The following CDC73 variants were observed in gnomAD, a reference collection of about 807,000 sequenced individuals.
The protein encoded by CDC73 is parafibromin.
CDC73 carries 21 observed loss-of-function variants against 83.7 expected under a neutral mutation model. That is an observed-to-expected ratio of 0.25 (90% CI 0.18 to 0.36). The LOEUF (loss-of-function observed/expected upper bound fraction) is 0.36. CDC73 is among the 10% of genes least tolerant of loss of function. CDC73 has a pLI of 1.00. For synonymous variants in CDC73, 224 were observed against 212.9 expected (o/e 1.05, Z -0.45); for missense variants, 342 against 653.3 (o/e 0.52, Z 5.19).
chr1:193,134,910 C>T (rs1246679024), intron 3 of CDC73, among the ~76,000 whole-genome samples: 1 of 152,000 alleles, frequency 6.6e-6, no homozygotes, highest in African/African-American at 2.4e-5. Context: ...AGGTATACCC[C>T]TTTTTGTTGA....
rs939856473 is a variant in CDC73, at chr1:193,253,338, T to G, written c.*2626T>G. On this transcript the variant is annotated 3_prime_UTR_variant, in exon 17 of 17. Transcript: ENST00000367435. ...TCAGAATCACTGGTTTAATTTGTTA[T>G]TGAAAACAGTACCAGTATTAAATGT... is the stretch of plus-strand genomic sequence containing the variant. 1.3e-5 allele frequency: 3 copies of G among 232,456 alleles called. No individual in the cohort carries two copies. The highest frequency in any genetic ancestry group is 6.6e-5 in the African/African-American group (3 of 45,330). 14.4% of individuals were successfully genotyped at this position (232,456 alleles called of 1,614,324 possible).
In CDC73 at chr1:193,149,869, ACT is replaced by A. The variant is rs1422998113; in HGVS notation, c.829-432_829-431del. 3.9e-5 allele frequency among the ~76,000 whole-genome samples: 6 copies of A among 152,176 alleles called. No homozygotes were observed. The East Asian group carries it at 9.7e-4, about 24-fold the overall frequency. On this transcript the variant is annotated intron_variant, in intron 8 of 16. Coordinates refer to ENST00000367435, the MANE Select transcript of CDC73 (RefSeq NM_024529.5). Reference sequence around the variant, plus strand: ...TTAAAAAAAATACGTCTTCAGTCTTACTCTGTTTATAATGGATTAATCATCAT... The same window carrying A: ...TTAAAAAAAATACGTCTTCAGTCTTACTGTTTATAATGGATTAATCATCAT...
chr1:193,180,276 GA>G (rs745421945), intron 10 of CDC73: 6 of 1,530,266 alleles, frequency 3.9e-6, no homozygotes, highest in South Asian at 1.3e-5. Context: ...TTGCACATTT[GA>G]AAAAAAATTG....
chr1:193,223,233 A>AT (rs5779667), intron 13 of CDC73, among the ~76,000 whole-genome samples: 74 of 149,888 alleles, frequency 4.9e-4, no homozygotes, highest in Admixed American at 2.2e-3. Flanking sequence ...TGTTCATTTT[A>AT]TTTTTTTTTT....
chr1:193,242,575 A>G (rs1345312731), intron 15 of CDC73, among the ~76,000 whole-genome samples: 1 of 152,170 alleles, frequency 6.6e-6, no homozygotes, highest in Non-Finnish European at 1.5e-5. Context: ...TAACTTACAG[A>G]AGGTGGTTCT....
chr1:193,247,871 G>A (rs1293728206), intron 15 of CDC73, among the ~76,000 whole-genome samples: 2 of 152,078 alleles, frequency 1.3e-5, no homozygotes. Flanking sequence ...ATGGTTCATG[G>A]ATTTAAGGAA....
At chr1:193,214,694 G>C (rs1012018399) in intron 13 of CDC73, among the ~76,000 whole-genome samples, 1 of 152,210 alleles carries the variant, frequency 6.6e-6, no homozygotes, top group African/African-American at 2.4e-5. Context: ...ACTCCAGCCT[G>C]GGCGACAGAG....
intron 10 of CDC73, among the ~76,000 whole-genome samples, chr1:193,182,372 A>G (rs1223685254): frequency 1.3e-5 from 2 of 152,148 alleles, no homozygotes; most frequent in Non-Finnish European, 2.9e-5. Context: ...TCATGATATA[A>G]TTGTTCTTAG....
chr1:193,146,202 A>G (rs1316825268), intron 7 of CDC73, among the ~76,000 whole-genome samples: 1 of 152,182 alleles, frequency 6.6e-6, no homozygotes. Flanking sequence ...TGTTTGGCTT[A>G]GAGTAGATTC....
rs1226196595 is a variant in CDC73 at position 193,152,521 on chromosome 1, G to A, written c.972+77G>A. 7.5e-6 allele frequency: 7 copies of A among 929,852 alleles called. No homozygotes were observed. In the African/African-American group the frequency reaches 9.8e-5, roughly 13 times the overall value. 57.6% of individuals were successfully genotyped at this position (929,852 alleles called of 1,614,324 possible). A position where few individuals can be genotyped will look rare whatever the true frequency, so the allele number is the denominator to read the frequency against. On this transcript the variant is annotated intron_variant, in intron 10 of 16. Transcript: ENST00000367435. The stretch of plus-strand genomic sequence containing the variant: ...TAGCACATGTTGAAGTAAATCTTTA[G>A]TCTCTCATATTTTTTATTTCAAACA...
intron 11 of CDC73, among the ~76,000 whole-genome samples, chr1:193,204,519 G>C (rs1159277068): frequency 1.3e-5 from 2 of 151,798 alleles, no homozygotes; most frequent in African/African-American, 4.8e-5. Flanking sequence ...TTGATCTCCT[G>C]ACCTCATGAT....
chr1:193,167,863 T>A (rs1676457503), intron 10 of CDC73, among the ~76,000 whole-genome samples: 1 of 152,046 alleles, frequency 6.6e-6, no homozygotes, highest in South Asian at 2.1e-4. Context: ...TTCTTGTGTT[T>A]TTTTGTTGTT....
At chr1:193,221,206 G>A (rs1677464102) in intron 13 of CDC73, among the ~76,000 whole-genome samples, 1 of 152,116 alleles carries the variant, frequency 6.6e-6, no homozygotes. Context: ...GAGGATGGGG[G>A]ACTTGTATAC....
chr1:193,199,710 CAA>C (rs879633462), intron 10 of CDC73, among the ~76,000 whole-genome samples: 26 of 74,998 alleles, frequency 3.5e-4, no homozygotes, highest in Admixed American at 4.5e-4. Flanking sequence ...GACTCCATCT[CAA>C]AAAAAAAAAA....
intron 13 of CDC73, among the ~76,000 whole-genome samples, chr1:193,227,824 C>T (rs1279657372): frequency 1.3e-5 from 2 of 152,136 alleles, no homozygotes; most frequent in Non-Finnish European, 2.9e-5. Flanking sequence ...GTGATTTGTT[C>T]AAATTTCTTG....
At chr1:193,189,959 C>G (rs1676890488) in intron 10 of CDC73, among the ~76,000 whole-genome samples, 1 of 152,072 alleles carries the variant, frequency 6.6e-6, no homozygotes, top group African/African-American at 2.4e-5. Flanking sequence ...GCACTTCAAC[C>G]AGGGTGGATG....
rs544121111 is a variant in CDC73, at chr1:193,152,560, A to T, written c.972+116A>T. ...TTATTTCAAACATTTTTCTTTATTG[A>T]TCACTTGTGCTGATTGATCTGTGTG... On this transcript the variant is annotated intron_variant, in intron 10 of 16. Transcript: ENST00000367435. 44 of 714,880 alleles carry T rather than the reference A, an allele frequency of 6.2e-5. 1 individual carries two copies. The highest frequency in any genetic ancestry group is 6.2e-4 in the Middle Eastern group (2 of 3,214). The allele number at this position is 714,880 out of a possible 1,614,324, so 44.3% of individuals were successfully genotyped here.
chr1:193,219,531 T>C (rs1457294370), intron 13 of CDC73, among the ~76,000 whole-genome samples: 1 of 152,134 alleles, frequency 6.6e-6, no homozygotes, highest in Non-Finnish European at 1.5e-5. Flanking sequence ...AGAAATCTGG[T>C]ACATACATGC....
Position 193,152,423 on chromosome 1 carries a change from T to G in CDC73, c.951T>G (p.Gly317=). ...FKIDTMGTYH[G]MTLKSVTEGA... ...TTGACACTATGGGAACCTACCATGG[T>G]ATGACACTGAAATCTGTAACGGTAA... is the stretch of plus-strand genomic sequence containing the variant. The change falls in exon 10 of 17, where the codon GGT becomes GGG. Residue 317 remains glycine, a synonymous_variant. Transcript: ENST00000367435. 6.2e-7 allele frequency: 1 copy of G among 1,610,940 alleles called. No individual in the cohort carries two copies. The highest frequency in any genetic ancestry group is 8.5e-7 in the Non-Finnish European group (1 of 1,177,360).
Sources: gnomAD v4.1 joint callset for allele counts (sites outside exome capture counted in the v4.1 genomes callset) on GRCh38, gnomAD v4.1.1 for gene constraint, MANE v1.5 for transcripts, NCBI Gene and HGNC (gene_info 2026-07-23, HGNC 2026-07-21) for gene names.